COL26A1: variants seen among roughly 807,000 people sequenced by gnomAD.
COL26A1 encodes collagen alpha-1(XXVI) chain.
COL26A1 carries 41 observed loss-of-function variants against 59.3 expected under a neutral mutation model. That is an observed-to-expected ratio of 0.69 (90% CI 0.54 to 0.90). COL26A1 has a LOEUF of 0.90. Ranked by LOEUF, COL26A1 falls within the 40% of genes least tolerant of loss-of-function variation. The pLI is 0.00. For missense variants in COL26A1, 612 were observed against 602.3 expected, an observed-to-expected ratio of 1.02 and a Z score of -0.17; for synonymous variants, 266 against 256.0, an observed-to-expected ratio of 1.04 and a Z score of -0.37.
At position 101,510,027 on chromosome 7, in the gene COL26A1, C is replaced by CTTTT. The variant is rs3073374; in HGVS notation, c.386-23044_386-23041dup. Among the ~76,000 whole-genome samples, 160 of 122,296 alleles carry CTTTT rather than the reference C, an allele frequency of 1.3e-3. 12 individuals are homozygous for CTTTT. Among genetic ancestry groups the CTTTT allele is most frequent in the African/African-American group, 4.3e-3 (107 of 24,658 alleles). The allele number at this position is 122,296 out of a possible 152,430, so 80.2% of individuals were successfully genotyped here. A position where few individuals can be genotyped will look rare whatever the true frequency, so the allele number is the denominator to read the frequency against. On this transcript the variant is annotated intron_variant, in intron 3 of 12. Coordinates refer to ENST00000313669, the MANE Select transcript of COL26A1 (RefSeq NM_001278563.3). Reference sequence around the variant, plus strand: ...ATAGGCATAAGCCATCGCGCCCAGTCTTTTTTTTTTTTTTAAGAGGGTCTC... The same window carrying CTTTT: ...ATAGGCATAAGCCATCGCGCCCAGTCTTTTTTTTTTTTTTTTTTAAGAGGGTCTC...
intron 1 of COL26A1, among the ~76,000 whole-genome samples, chr7:101,401,891 C>T (rs1226605483): frequency 2.0e-5 from 3 of 152,028 alleles, no homozygotes; most frequent in Non-Finnish European, 4.4e-5. Flanking sequence ...CTGGTGGTGT[C>T]GAAGCCACGT....
At chr7:101,549,349 G>C in intron 9 of COL26A1, 126 bp downstream of exon 9, 1 of 601,890 alleles carries the variant, frequency 1.7e-6, no homozygotes, top group Non-Finnish European at 3.0e-6. Flanking sequence ...AGTCGGCCTG[G>C]CCGGTGAGAT....
chr7:101,545,946 G>A (rs760158994), intron 7 of COL26A1, among the ~76,000 whole-genome samples: 3 of 152,218 alleles, frequency 2.0e-5, no homozygotes, highest in South Asian at 2.1e-4. Context: ...CATTCAGCAG[G>A]TGTTTAGTGA....
At chr7:101,443,872 C>A (rs914863878) in intron 2 of COL26A1, among the ~76,000 whole-genome samples, 6 of 124,744 alleles carry the variant, frequency 4.8e-5, no homozygotes, top group Admixed American at 8.7e-5. Context: ...TTTTTCTTTT[C>A]TTTTTTTTTT....
chr7:101,441,056 G>C (rs971458537), intron 2 of COL26A1, among the ~76,000 whole-genome samples: 1 of 152,034 alleles, frequency 6.6e-6, no homozygotes, highest in African/African-American at 2.4e-5. Flanking sequence ...CTGAATCAGG[G>C]GCCCGAGATC....
chr7:101,543,035 C>G (rs1795650522), intron 5 of COL26A1, among the ~76,000 whole-genome samples: 1 of 152,226 alleles, frequency 6.6e-6, no homozygotes, highest in Non-Finnish European at 1.5e-5. Context: ...TGCAGCCAAC[C>G]TGGATTCCAG....
rs59966789 is a variant in COL26A1 at position 101,394,585 on chromosome 7, CTTTTTTTT to C, written c.159-25381_159-25374del. 3.0e-3 allele frequency among the ~76,000 whole-genome samples: 372 copies of C among 122,808 alleles called. 4 individuals are homozygous for C. The highest frequency in any genetic ancestry group is 6.6e-3 in the South Asian group (25 of 3,808). 80.6% of individuals were successfully genotyped at this position (122,808 alleles called of 152,430 possible). ...CCACGCCTAGCTATTTTTTTCTTTT[CTTTTTTTT>C]TTTTTTTTTTGTAGAGATGGGGTCT... On this transcript the variant is annotated intron_variant, in intron 1 of 12. Transcript: ENST00000313669.
intron 6 of COL26A1, 81 bp from the exon 7 acceptor site, chr7:101,545,257 G>A (rs1795708063): frequency 2.3e-6 from 3 of 1,330,880 alleles, no homozygotes; most frequent in Non-Finnish European, 3.0e-6. Context: ...TTTCTTTCAA[G>A]GCCTCAGTTT....
intron 3 of COL26A1, among the ~76,000 whole-genome samples, chr7:101,486,483 C>T (rs986596443): frequency 6.6e-6 from 1 of 152,244 alleles, no homozygotes; most frequent in Non-Finnish European, 1.5e-5. Context: ...GGCAGCTTTG[C>T]GGTGGCGGGA....
chr7:101,439,244 T>A (rs959760639), intron 2 of COL26A1, among the ~76,000 whole-genome samples: 3 of 151,848 alleles, frequency 2.0e-5, no homozygotes, highest in Non-Finnish European at 4.4e-5. Flanking sequence ...CGATTGATAG[T>A]GATATGTACC....
intron 1 of COL26A1, among the ~76,000 whole-genome samples, chr7:101,398,171 T>C (rs1381246413): frequency 2.6e-5 from 4 of 152,240 alleles, no homozygotes; most frequent in African/African-American, 9.6e-5. Context: ...AGGAATCCCA[T>C]GCTGCTTCCA....
chr7:101,463,752 C>A, intron 3 of COL26A1, among the ~76,000 whole-genome samples: 1 of 113,286 alleles, frequency 8.8e-6, no homozygotes, highest in Non-Finnish European at 1.8e-5. Context: ...CTTCCTTCCT[C>A]CCTTCCCCTT....
At chr7:101,397,368 CCTT>C (rs1179700115) in intron 1 of COL26A1, among the ~76,000 whole-genome samples, 5 of 149,230 alleles carry the variant, frequency 3.4e-5, no homozygotes, top group East Asian at 2.0e-4. Flanking sequence ...TTCCTTCCTT[CCTT>C]CTTCTTCATC....
rs1402124555 is a variant in COL26A1 at position 101,527,289 on chromosome 7, CTCTG to C, written c.386-5785_386-5782del. ...CCTGGCCTGCTCTCTCTCTCTATGT[CTCTG>C]TCTGTCTCTTTCTCTTTTCTTTTTC... On this transcript the variant is annotated intron_variant, in intron 3 of 12. Coordinates refer to ENST00000313669, the MANE Select transcript of COL26A1 (RefSeq NM_001278563.3). Among the ~76,000 whole-genome samples the C allele has an allele frequency of 3.3e-5, 5 of 151,958 alleles. No homozygotes were observed. The South Asian group carries it at 1.0e-3, about 32-fold the overall frequency.
At position 101,554,057 on chromosome 7, in the gene COL26A1, G is replaced by C. The variant is rs180706135; in HGVS notation, c.1080+681G>C. On this transcript the variant is annotated intron_variant, in intron 11 of 12. Transcript: ENST00000313669. ...CAGCTGGCCCTGAGCTAGGTGCTGG[G>C]CCACCAGGTGTACAGGGTCCCTGCC... Among the ~76,000 whole-genome samples, 202 of 152,082 alleles carry C rather than the reference G, an allele frequency of 1.3e-3. 1 individual carries two copies. Among genetic ancestry groups the C allele is most frequent in the Admixed American group, 2.8e-3 (43 of 15,278 alleles).
In COL26A1 at chr7:101,517,514, A is replaced by G. The variant is rs369483096; in HGVS notation, c.386-15568A>G. Among the ~76,000 whole-genome samples the G allele has an allele frequency of 2.2e-4, 34 of 152,322 alleles. 1 individual carries two copies. The highest frequency in any genetic ancestry group is 6.7e-4 in the African/African-American group (28 of 41,584). ...CCACGAGAGAGCTTGTGCTGGGTGC[A>G]GGGAAACTCCCACTTATATAATCAT... On this transcript the variant is annotated intron_variant, in intron 3 of 12. Transcript: ENST00000313669.
chr7:101,468,218 G>T (rs1793810683), intron 3 of COL26A1, among the ~76,000 whole-genome samples: 3 of 151,010 alleles, frequency 2.0e-5, no homozygotes, highest in Admixed American at 6.6e-5. Context: ...CAAGAGAATC[G>T]CTTGAACCCG....
intron 8 of COL26A1, 134 bp downstream of exon 8, chr7:101,547,373 T>C: frequency 1.8e-6 from 1 of 552,750 alleles, no homozygotes; most frequent in South Asian, 2.6e-5. Context: ...ACTGGGTCTG[T>C]CCCACCCGCT....
chr7:101,429,201 G>T (rs557541273), intron 2 of COL26A1, among the ~76,000 whole-genome samples: 7 of 152,112 alleles, frequency 4.6e-5, no homozygotes, highest in Admixed American at 1.3e-4. Flanking sequence ...TGGGATTACA[G>T]GTGTGAGCCA....
Sources: allele counts gnomAD v4.1 joint callset (sites outside exome capture counted in the v4.1 genomes callset), GRCh38; gene constraint gnomAD v4.1.1; transcripts MANE v1.5; gene names NCBI Gene and HGNC (gene_info 2026-07-23, HGNC 2026-07-21).